The following SH3KBP1 variants were observed in gnomAD, a reference collection of about 807,000 sequenced individuals.
SH3KBP1 encodes SH3 domain-containing kinase-binding protein 1.
Under a neutral mutation model 50.1 loss-of-function variants are expected in SH3KBP1, and 8 were observed. That is an observed-to-expected ratio of 0.16 (90% CI 0.09 to 0.29). The LOEUF is 0.29. Ranked by LOEUF, SH3KBP1 falls within the 10% of genes least tolerant of loss-of-function variation. SH3KBP1 has a pLI of 1.00. For missense variants in SH3KBP1, 377 were observed against 535.2 expected (o/e 0.70, Z 2.92); for synonymous variants, 227 against 218.6 (o/e 1.04, Z -0.34).
intron 13 of SH3KBP1, among the ~76,000 whole-genome samples, chrX:19,554,018 T>TAATATATATC (rs2065351959): frequency 1.5e-5 from 1 of 67,383 alleles, no homozygotes; most frequent in African/African-American, 7.7e-5. Context: ...ATATATAATA[T>TAATATATATC]ATATTAAAAT....
At chrX:19,622,075 T>A (rs1218726286) in intron 8 of SH3KBP1, among the ~76,000 whole-genome samples, 3 of 112,670 alleles carry the variant, frequency 2.7e-5, no homozygotes, top group African/African-American at 9.7e-5. Context: ...AACTATAAAA[T>A]GAGGAAATTT....
chrX:19,828,829 G>A (rs1294856462), intron 2 of SH3KBP1, among the ~76,000 whole-genome samples: 1 of 111,168 alleles, frequency 9.0e-6, no homozygotes, highest in Non-Finnish European at 1.9e-5. Flanking sequence ...CAGTTCCTGG[G>A]GCCCAATAAT....
chrX:19,621,541 C>G (rs2067840303), intron 8 of SH3KBP1, among the ~76,000 whole-genome samples: 1 of 111,343 alleles, frequency 9.0e-6, no homozygotes, highest in Non-Finnish European at 1.9e-5. Context: ...TCTAGCCTGC[C>G]ACCTATTTCT....
rs760707711 is a variant in SH3KBP1 at position 19,852,636 on chromosome X, GAAA to G, written c.5-16357_5-16355del. Reference sequence around the variant, plus strand: ...ATGTTCCAGATACTGTAGCTGCACAGAAAAAAAAAAAAAAAAAAAAATCCACGA... The same window carrying G: ...ATGTTCCAGATACTGTAGCTGCACAGAAAAAAAAAAAAAAAAAATCCACGA... On this transcript the variant is annotated intron_variant, in intron 1 of 17. Transcript: ENST00000397821. Among the ~76,000 whole-genome samples the G allele has an allele frequency of 2.5e-4, 13 of 51,928 alleles. 1 individual carries two copies. The highest frequency in any genetic ancestry group is 6.0e-4 in the African/African-American group (9 of 14,950). 45.1% of individuals were successfully genotyped at this position (51,928 alleles called of 115,157 possible).
At chrX:19,673,686 ATC>A (rs1328128012) in intron 6 of SH3KBP1, among the ~76,000 whole-genome samples, 4 of 110,896 alleles carry the variant, frequency 3.6e-5, no homozygotes, top group Non-Finnish European at 7.6e-5. Context: ...CTCCCCAGTT[ATC>A]TCTCTAAAGT....
chrX:19,694,422 G>T (rs1332108467), intron 5 of SH3KBP1, among the ~76,000 whole-genome samples: 2 of 110,813 alleles, frequency 1.8e-5, no homozygotes, highest in South Asian at 3.9e-4. Flanking sequence ...GAATCCCCCT[G>T]CCCTGAGCCA....
At chrX:19,769,943 C>T (rs2065738149) in intron 2 of SH3KBP1, among the ~76,000 whole-genome samples, 1 of 111,736 alleles carries the variant, frequency 8.9e-6, no homozygotes, top group East Asian at 2.8e-4. Flanking sequence ...AAAATGTCTA[C>T]ACACAGTATA....
intron 1 of SH3KBP1, among the ~76,000 whole-genome samples, chrX:19,873,851 C>A (rs1176023487): frequency 9.5e-6 from 1 of 105,522 alleles, no homozygotes; most frequent in African/African-American, 3.5e-5. Flanking sequence ...GAGTTCGAGA[C>A]CAGCCTGGAT....
chrX:19,752,708 A>C lies in SH3KBP1; in HGVS notation c.163-6267T>G, dbSNP rs1269943305. On this transcript the variant is annotated intron_variant, in intron 2 of 17. Transcript: ENST00000397821. ...TTCTAAGACCTCTGCACTTCACTGC[A>C]TGCAATTTCAATTTAAAAGAACAGC... 4.4e-5 allele frequency among the ~76,000 whole-genome samples: 5 copies of C among 112,621 alleles called. No individual in the cohort carries two copies. In the Admixed American group the frequency reaches 4.7e-4, roughly 11 times the overall value.
At chrX:19,871,204 T>C (rs2147536815) in intron 1 of SH3KBP1, among the ~76,000 whole-genome samples, 1 of 112,598 alleles carries the variant, frequency 8.9e-6, no homozygotes, top group South Asian at 3.6e-4. Flanking sequence ...GTTGGGCGAT[T>C]CATAAAATGA....
chrX:19,873,800 G>A (rs1038268789), intron 1 of SH3KBP1, among the ~76,000 whole-genome samples: 13 of 109,055 alleles, frequency 1.2e-4, no homozygotes, highest in African/African-American at 4.4e-4. Flanking sequence ...TGTAATCCCA[G>A]CACTTTGGGA....
At chrX:19,863,561 T>G (rs913688092) in intron 1 of SH3KBP1, among the ~76,000 whole-genome samples, 2 of 112,282 alleles carry the variant, frequency 1.8e-5, no homozygotes, top group Non-Finnish European at 3.8e-5. Flanking sequence ...CACAACAGAT[T>G]ATTTGTTAGA....
In SH3KBP1 at chrX:19,850,247, C is replaced by T. The variant is rs752120724; in HGVS notation, c.5-13965G>A. On this transcript the variant is annotated intron_variant, in intron 1 of 17. Transcript: ENST00000397821. Reference sequence around the variant, plus strand: ...TCTCCCAGGCTGGAGTGCAGAGGTGCGATCTCAGCTCACTGCAACCTCTGC... The same window carrying T: ...TCTCCCAGGCTGGAGTGCAGAGGTGTGATCTCAGCTCACTGCAACCTCTGC... 7.2e-5 allele frequency among the ~76,000 whole-genome samples: 8 copies of T among 110,718 alleles called. No individual in the cohort carries two copies. The East Asian group carries it at 2.3e-3, about 31-fold the overall frequency.
At chrX:19,645,156 A>T (rs1405392596) in intron 7 of SH3KBP1, among the ~76,000 whole-genome samples, 2 of 112,108 alleles carry the variant, frequency 1.8e-5, no homozygotes, top group African/African-American at 6.5e-5. Context: ...TACGAGTGAG[A>T]TACATATAGC....
At chrX:19,725,492 T>C (rs892886753) in intron 3 of SH3KBP1, among the ~76,000 whole-genome samples, 2 of 109,237 alleles carry the variant, frequency 1.8e-5, no homozygotes, top group Non-Finnish European at 3.8e-5. Context: ...TAAAAACAAA[T>C]AAAATGCAGA....
intron 2 of SH3KBP1, among the ~76,000 whole-genome samples, chrX:19,792,395 A>G (rs922914247): frequency 3.6e-5 from 4 of 111,413 alleles, no homozygotes; most frequent in Non-Finnish European, 7.5e-5. Flanking sequence ...GATTCTGCAT[A>G]TGTATATTTT....
At chrX:19,774,650 AAAAAAAAGAAAGAAAGAAAGAAAGAAAG>A (rs2065906044) in intron 2 of SH3KBP1, among the ~76,000 whole-genome samples, 1 of 63,480 alleles carries the variant, frequency 1.6e-5, no homozygotes, top group African/African-American at 6.3e-5. Context: ...CCCTGTCTCA[AAAAAAAAGAAAGAAAGAAAGAAAGAAAG>A]AAAGAAAGAA....
chrX:19,548,825 A>AAAAGAG (rs2065157420), intron 14 of SH3KBP1, among the ~76,000 whole-genome samples: 1 of 102,428 alleles, frequency 9.8e-6, no homozygotes, highest in Admixed American at 1.1e-4. Context: ...TATGGAAATA[A>AAAAGAG]AGAGAGAGAG....
chrX:19,874,448 G>A (rs1398075765), intron 1 of SH3KBP1, among the ~76,000 whole-genome samples: 1 of 19,456 alleles, frequency 5.1e-5, no homozygotes. Context: ...GGGGCAAAGT[G>A]GGGGGGTGTG....
Sources: allele counts gnomAD v4.1 joint callset (sites outside exome capture counted in the v4.1 genomes callset), GRCh38; gene constraint gnomAD v4.1.1; transcripts MANE v1.5; gene names NCBI Gene and HGNC (gene_info 2026-07-23, HGNC 2026-07-21).